HS6ST3: variants seen among roughly 807,000 people sequenced by gnomAD.
HS6ST3 encodes the protein heparan sulfate 6-O-sulfotransferase 3.
Under a neutral mutation model 36.7 loss-of-function variants are expected in HS6ST3, and 12 were observed. The ratio of observed to expected loss-of-function variants is 0.33; its 90% confidence interval spans 0.21 to 0.53. The LOEUF is 0.53. HS6ST3 is among the 20% of genes least tolerant of loss of function. The probability of loss-of-function intolerance (pLI) is 0.95; values close to 1 mark genes in which losing one functional copy is unlikely to be tolerated. For synonymous variants in HS6ST3, 240 were observed against 257.5 expected (o/e 0.93, Z 0.65); for missense variants, 584 against 640.9 (o/e 0.91, Z 0.96).
chr13:96,385,850 A>G (rs1026913240), intron 1 of HS6ST3, among the ~76,000 whole-genome samples: 1 of 152,184 alleles, frequency 6.6e-6, no homozygotes, highest in Admixed American at 6.5e-5. Flanking sequence ...ACATTACTAT[A>G]TCCATTTTAT....
chr13:96,353,712 C>T (rs879294898), intron 1 of HS6ST3, among the ~76,000 whole-genome samples: 9 of 151,802 alleles, frequency 5.9e-5, no homozygotes, highest in Non-Finnish European at 1.3e-4. Context: ...TATGCAACAG[C>T]CAAAGCTTTG....
chr13:96,511,458 G>T (rs2056049566), intron 1 of HS6ST3, among the ~76,000 whole-genome samples: 1 of 151,908 alleles, frequency 6.6e-6, no homozygotes, highest in African/African-American at 2.4e-5. Context: ...CAAAGTAATG[G>T]ATCAATGTTA....
intron 1 of HS6ST3, among the ~76,000 whole-genome samples, chr13:96,751,702 C>T (rs536298207): frequency 6.6e-6 from 1 of 151,412 alleles, no homozygotes; most frequent in African/African-American, 2.4e-5. Context: ...TGTTTCTCTT[C>T]GATATTCTGT....
intron 1 of HS6ST3, among the ~76,000 whole-genome samples, chr13:96,470,620 T>C (rs2055835995): frequency 6.6e-6 from 1 of 152,202 alleles, no homozygotes; most frequent in African/African-American, 2.4e-5. Context: ...TCCATAGTCA[T>C]GCATCTTGAA....
intron 1 of HS6ST3, among the ~76,000 whole-genome samples, chr13:96,341,345 G>T (rs1333898562): frequency 6.6e-6 from 1 of 152,124 alleles, no homozygotes; most frequent in Non-Finnish European, 1.5e-5. Flanking sequence ...TTCACATTGA[G>T]CAACCTTGAA....
At chr13:96,747,677 C>CAT (rs957954159) in intron 1 of HS6ST3, among the ~76,000 whole-genome samples, 2 of 151,822 alleles carry the variant, frequency 1.3e-5, no homozygotes, top group South Asian at 2.1e-4. Context: ...TATATACACA[C>CAT]ATATATATAA....
intron 1 of HS6ST3, among the ~76,000 whole-genome samples, chr13:96,815,276 C>A (rs1354259581): frequency 6.6e-6 from 1 of 152,170 alleles, no homozygotes; most frequent in East Asian, 1.9e-4. Context: ...GTCTTCACTC[C>A]ACATATATTT....
chr13:96,234,674 C>A lies in HS6ST3; in HGVS notation c.707+143105C>A, dbSNP rs116970233. Among the ~76,000 whole-genome samples, 15 of 152,062 alleles carry A rather than the reference C, an allele frequency of 9.9e-5. No homozygotes were observed. The East Asian group carries it at 2.9e-3, about 29-fold the overall frequency. ...ATCATGAGAAGAGCCTGGGAAAGAC[C>A]CACCCCCATGGTTCAATTACCTCCC... On this transcript the variant is annotated intron_variant, in intron 1 of 1. Transcript: ENST00000376705.
rs186421655 is a variant in HS6ST3, at chr13:96,773,490, G to A, written c.708-59000G>A. Reference sequence around the variant, plus strand: ...ACCTGGGACACTCGAGCTTGGTCCGGGGAGAGGCATCCACCATTACTGAGG... The same window carrying A: ...ACCTGGGACACTCGAGCTTGGTCCGAGGAGAGGCATCCACCATTACTGAGG... On this transcript the variant is annotated intron_variant, in intron 1 of 1. Transcript: ENST00000376705. Among the ~76,000 whole-genome samples the A allele has an allele frequency of 6.4e-4, 97 of 152,248 alleles. 2 individuals are homozygous for A. Among genetic ancestry groups the A allele is most frequent in the African/African-American group, 2.2e-3 (91 of 41,536 alleles).
chr13:96,564,383 T>A (rs1201563100), intron 1 of HS6ST3, among the ~76,000 whole-genome samples: 1 of 152,192 alleles, frequency 6.6e-6, no homozygotes, highest in Non-Finnish European at 1.5e-5. Flanking sequence ...GAAAGTACTT[T>A]TAAAATACCA....
intron 1 of HS6ST3, among the ~76,000 whole-genome samples, chr13:96,517,254 G>A (rs2056076293): frequency 6.6e-6 from 1 of 151,350 alleles, no homozygotes; most frequent in African/African-American, 2.4e-5. Flanking sequence ...GCATGCACTT[G>A]TGGTCCCAGC....
At chr13:96,826,301 AAGGTATC>A (rs1324688347) in intron 1 of HS6ST3, among the ~76,000 whole-genome samples, 2 of 152,222 alleles carry the variant, frequency 1.3e-5, no homozygotes, top group African/African-American at 4.8e-5. Flanking sequence ...GGCATTTTAA[AAGGTATC>A]AGTTTAGTTT....
At chr13:96,474,021 A>G (rs1047097224) in intron 1 of HS6ST3, among the ~76,000 whole-genome samples, 1 of 152,202 alleles carries the variant, frequency 6.6e-6, no homozygotes, top group African/African-American at 2.4e-5. Flanking sequence ...TTTCCTGGGA[A>G]CCACAAAAGG....
intron 1 of HS6ST3, among the ~76,000 whole-genome samples, chr13:96,800,433 A>G (rs995854175): frequency 1.3e-5 from 2 of 152,062 alleles, no homozygotes. Context: ...TGTTCATCGG[A>G]GCAGTGCAGT....
At chr13:96,803,196 G>T (rs918905376) in intron 1 of HS6ST3, among the ~76,000 whole-genome samples, 3 of 152,126 alleles carry the variant, frequency 2.0e-5, no homozygotes, top group African/African-American at 7.2e-5. Context: ...TGCCAGTGTT[G>T]CATGTCAAAA....
chr13:96,305,329 T>C (rs1274322506), intron 1 of HS6ST3, among the ~76,000 whole-genome samples: 5 of 152,234 alleles, frequency 3.3e-5, no homozygotes, highest in Non-Finnish European at 5.9e-5. Flanking sequence ...CATGAATATT[T>C]TAATCTTTAT....
intron 1 of HS6ST3, among the ~76,000 whole-genome samples, chr13:96,381,426 C>G (rs867024094): frequency 4.7e-5 from 6 of 126,992 alleles, no homozygotes; most frequent in Middle Eastern, 3.5e-3. Context: ...ATCTATCTAT[C>G]TATCTATCTA....
Position 96,580,193 on chromosome 13 carries a change from CATATATAT to C in HS6ST3, c.708-252270_708-252263del, listed in dbSNP as rs3051282. Among the ~76,000 whole-genome samples the C allele has an allele frequency of 6.9e-3, 964 of 140,466 alleles. 7 individuals are homozygous for C. Among genetic ancestry groups the C allele is most frequent in the Middle Eastern group, 0.03 (8 of 270 alleles). The allele number at this position is 140,466 out of a possible 152,430, so 92.2% of individuals were successfully genotyped here. A position where few individuals can be genotyped will look rare whatever the true frequency, so the allele number is the denominator to read the frequency against. On this transcript the variant is annotated intron_variant, in intron 1 of 1. Transcript: ENST00000376705. ...AGCATCTTCCAGGACCCCATCCAGACATATATATATATATATATATATATATATATATA... is the reference window on the plus strand; with the variant it reads ...AGCATCTTCCAGGACCCCATCCAGACATATATATATATATATATATATATA...
intron 1 of HS6ST3, among the ~76,000 whole-genome samples, chr13:96,636,049 C>T (rs1384176844): frequency 6.6e-6 from 1 of 152,100 alleles, no homozygotes; most frequent in Non-Finnish European, 1.5e-5. Context: ...CCTTAAAAAC[C>T]TGACTGTAGA....
Sources: allele counts gnomAD v4.1 joint callset (sites outside exome capture counted in the v4.1 genomes callset), GRCh38; gene constraint gnomAD v4.1.1; transcripts MANE v1.5; gene names NCBI Gene and HGNC (gene_info 2026-07-23, HGNC 2026-07-21).